PRKG1: variants seen among roughly 807,000 people sequenced by gnomAD.
PRKG1 encodes protein kinase cGMP-dependent 1.
In PRKG1, 35 loss-of-function variants were observed where a neutral mutation model predicts 88.1. That is an observed-to-expected ratio of 0.40 (90% CI 0.30 to 0.53). The LOEUF (loss-of-function observed/expected upper bound fraction) is 0.53. PRKG1 is among the 20% of genes least tolerant of loss of function. The probability of loss-of-function intolerance (pLI) is 0.59; values close to 1 mark genes in which losing one functional copy is unlikely to be tolerated. For synonymous variants in PRKG1, 303 were observed against 292.5 expected (o/e 1.04, Z -0.37); for missense variants, 540 against 839.8 (o/e 0.64, Z 4.41).
chr10:51,214,490 C>CT (rs376894121), intron 2 of PRKG1, among the ~76,000 whole-genome samples: 351 of 145,030 alleles, frequency 2.4e-3, no homozygotes, highest in East Asian at 4.7e-3. Flanking sequence ...AAGAAAAACT[C>CT]TTTTTTTTTT....
chr10:51,228,386 C>T (rs1367910364), intron 2 of PRKG1, among the ~76,000 whole-genome samples: 1 of 152,138 alleles, frequency 6.6e-6, no homozygotes, highest in Non-Finnish European at 1.5e-5. Context: ...TTTGCTTCCC[C>T]AAGTGACTAC....
At chr10:51,294,484 G>GTT (rs138230317) in intron 2 of PRKG1, among the ~76,000 whole-genome samples, 2 of 88,156 alleles carry the variant, frequency 2.3e-5, no homozygotes, top group Non-Finnish European at 4.9e-5. Context: ...CCTTTCCCCA[G>GTT]TGTGTGTTCT....
At chr10:51,249,190 A>T (rs1159858934) in intron 2 of PRKG1, among the ~76,000 whole-genome samples, 3 of 151,980 alleles carry the variant, frequency 2.0e-5, no homozygotes, top group East Asian at 3.9e-4. Flanking sequence ...GGGGCAAAAA[A>T]ATTTTAGTTT....
At chr10:51,724,023 G>A (rs1422188528) in intron 3 of PRKG1, among the ~76,000 whole-genome samples, 4 of 152,130 alleles carry the variant, frequency 2.6e-5, no homozygotes, top group Non-Finnish European at 4.4e-5. Context: ...CATTATTACG[G>A]GTGTGTCGAT....
At chr10:51,957,409 C>T (rs1204836218) in intron 5 of PRKG1, among the ~76,000 whole-genome samples, 8 of 151,372 alleles carry the variant, frequency 5.3e-5, no homozygotes, top group Non-Finnish European at 7.4e-5. Flanking sequence ...CTCCTGCCAC[C>T]GCATCTACAG....
chr10:52,290,982 G>A (rs1214697276), intron 17 of PRKG1, among the ~76,000 whole-genome samples: 2 of 148,656 alleles, frequency 1.3e-5, no homozygotes, highest in African/African-American at 2.5e-5. Flanking sequence ...GAATGCAGTG[G>A]CGTGATCTCG....
chr10:51,625,985 T>C (rs1196177498), intron 3 of PRKG1, among the ~76,000 whole-genome samples: 1 of 152,228 alleles, frequency 6.6e-6, no homozygotes, highest in Non-Finnish European at 1.5e-5. Flanking sequence ...CGCTTAACAC[T>C]AATACTGAAA....
intron 2 of PRKG1, among the ~76,000 whole-genome samples, chr10:51,368,254 A>G (rs887645299): frequency 6.6e-6 from 1 of 152,034 alleles, no homozygotes; most frequent in African/African-American, 2.4e-5. Context: ...TGCAGTCTTC[A>G]GGTCTGACTA....
Position 51,834,824 on chromosome 10 carries a change from G to A in PRKG1, c.698+30134G>A, listed in dbSNP as rs187372011. 3.9e-5 allele frequency among the ~76,000 whole-genome samples: 6 copies of A among 152,150 alleles called. No homozygotes were observed. The East Asian group carries it at 1.2e-3, about 29-fold the overall frequency. On this transcript the variant is annotated intron_variant, in intron 4 of 17. Transcript: ENST00000373980. ...AAGAGCAATGAGTCTATGGGGGTAC[G>A]TCCACACCCAAGGTCATCACATTGC... is the stretch of plus-strand genomic sequence containing the variant.
At chr10:51,776,256 T>C (rs1280990406) in intron 3 of PRKG1, among the ~76,000 whole-genome samples, 1 of 152,168 alleles carries the variant, frequency 6.6e-6, no homozygotes, top group African/African-American at 2.4e-5. Context: ...TGGTGAGAAC[T>C]ATAGTGTATT....
intron 1 of PRKG1, among the ~76,000 whole-genome samples, chr10:51,106,853 A>G (rs1385754137): frequency 1.3e-5 from 2 of 152,206 alleles, no homozygotes; most frequent in African/African-American, 4.8e-5. Context: ...GCACTTAACT[A>G]TCTGCTTCCC....
chr10:51,993,646 A>G (rs949984454), intron 5 of PRKG1, among the ~76,000 whole-genome samples: 14 of 152,322 alleles, frequency 9.2e-5, no homozygotes, highest in Middle Eastern at 6.8e-3. Flanking sequence ...TAAAGTAGTG[A>G]CAGCAGTAGC....
intron 4 of PRKG1, among the ~76,000 whole-genome samples, chr10:51,858,778 C>T (rs1390126334): frequency 6.6e-6 from 1 of 151,942 alleles, no homozygotes; most frequent in Non-Finnish European, 1.5e-5. Context: ...AGTTTTAATT[C>T]AATAAAGGCA....
intron 5 of PRKG1, among the ~76,000 whole-genome samples, chr10:52,044,507 G>A (rs1845820051): frequency 1.3e-5 from 2 of 152,226 alleles, no homozygotes; most frequent in East Asian, 3.9e-4. Context: ...TGATGTAGAA[G>A]CCAAGATACT....
chr10:51,892,791 C>A (rs372953850), intron 4 of PRKG1, among the ~76,000 whole-genome samples: 1 of 152,046 alleles, frequency 6.6e-6, no homozygotes, highest in Non-Finnish European at 1.5e-5. Flanking sequence ...CCAATAGAGC[C>A]CCATGGAGAA....
chr10:51,479,107 G>A lies in PRKG1; in HGVS notation c.592+11271G>A, dbSNP rs536166832. On this transcript the variant is annotated intron_variant, in intron 3 of 17. Coordinates refer to ENST00000373980, the MANE Select transcript of PRKG1 (RefSeq NM_006258.4). ...TACTCATTATCTGAATCTCCTACCT[G>A]TGCTTTCTTTTTTTTTCAATCAGAA... Among the ~76,000 whole-genome samples, 759 of 151,902 alleles carry A rather than the reference G, an allele frequency of 5.0e-3. 6 individuals carry two copies. The highest frequency in any genetic ancestry group is 0.017 in the African/African-American group (721 of 41,480).
intron 5 of PRKG1, among the ~76,000 whole-genome samples, chr10:51,932,533 G>C (rs1321323539): frequency 6.6e-6 from 1 of 152,090 alleles, no homozygotes; most frequent in Non-Finnish European, 1.5e-5. Flanking sequence ...CTGCTATACT[G>C]CCACGGCCAG....
At chr10:51,542,667 C>T (rs931832225) in intron 3 of PRKG1, among the ~76,000 whole-genome samples, 2 of 51,340 alleles carry the variant, frequency 3.9e-5, no homozygotes, top group Non-Finnish European at 5.9e-5. Flanking sequence ...GCTTGTGTTT[C>T]GCATGATAGT....
chr10:51,467,114 C>G (rs1426301538), intron 2 of PRKG1, among the ~76,000 whole-genome samples: 1 of 151,878 alleles, frequency 6.6e-6, no homozygotes, highest in African/African-American at 2.4e-5. Flanking sequence ...TTTCATTTTC[C>G]AAGTCCTTTA....
Sources: allele counts gnomAD v4.1 joint callset (sites outside exome capture counted in the v4.1 genomes callset), GRCh38; gene constraint gnomAD v4.1.1; transcripts MANE v1.5; gene names NCBI Gene and HGNC (gene_info 2026-07-23, HGNC 2026-07-21).